CLEC16A: variants seen among roughly 807,000 people sequenced by gnomAD.
The protein encoded by CLEC16A is C-type lectin domain containing 16A.
A neutral mutation model predicts 109.5 loss-of-function variants in CLEC16A; 51 were observed. The observed-to-expected ratio is 0.47, with a 90% CI of 0.37 to 0.59. The LOEUF (loss-of-function observed/expected upper bound fraction) is 0.59. CLEC16A is among the 20% of genes least tolerant of loss of function. The pLI, the probability that CLEC16A is intolerant of heterozygous loss-of-function variation, is 0.00. For synonymous variants in CLEC16A, 673 were observed against 564.2 expected, an observed-to-expected ratio of 1.19 and a Z score of -2.73; for missense variants, 1,339 against 1,394.0, an observed-to-expected ratio of 0.96 and a Z score of 0.63.
intron 11 of CLEC16A, among the ~76,000 whole-genome samples, chr16:11,008,082 G>A (rs997837638): frequency 4.7e-4 from 71 of 152,120 alleles, no homozygotes; most frequent in African/African-American, 1.7e-3. Context: ...ACACACTCTC[G>A]GTCGTTGTCA....
chr16:11,123,984 C>T (rs1216914236), intron 21 of CLEC16A, 38 bp downstream of exon 21: 1 of 1,551,204 alleles, frequency 6.4e-7, no homozygotes, highest in Admixed American at 1.9e-5. Flanking sequence ...CCTCTGAGCA[C>T]TTGGTGGGTC....
intron 19 of CLEC16A, among the ~76,000 whole-genome samples, chr16:11,082,709 C>A (rs1421993452): frequency 6.6e-6 from 1 of 152,184 alleles, no homozygotes; most frequent in Non-Finnish European, 1.5e-5. Flanking sequence ...AGGAAAGGAA[C>A]GCTTTCTTCC....
intron 22 of CLEC16A, among the ~76,000 whole-genome samples, chr16:11,153,898 T>A (rs2153081833): frequency 6.6e-6 from 1 of 152,222 alleles, no homozygotes; most frequent in East Asian, 1.9e-4. Context: ...GAGAGCAACC[T>A]AGCCCATTTG....
Position 11,123,921 on chromosome 16 carries a change from G to T in CLEC16A, c.2448G>T (p.Arg816Ser). The change falls in exon 21 of 24, where the codon AGG becomes AGT. Residue 816 changes from arginine (R) to serine (S), a missense_variant. Arg to Ser is a moderately radical substitution (Grantham distance 110). Around this residue, in one of 3 missense-constraint regions of CLEC16A, gnomAD observed 1,061 missense variants for 1,006.8 expected, o/e 1.05. Transcript: ENST00000409790. Reference protein sequence around the residue: ...QRLAKGRIQARRMKMQRIAAL... With the variant: ...QRLAKGRIQASRMKMQRIAAL... The stretch of plus-strand genomic sequence containing the variant: ...TGGCCAAAGGCCGCATCCAGGCAAG[G>T]CGCATGAAGATGCAGAGAATAGCTG... 1 of 1,612,724 alleles carries T rather than the reference G, an allele frequency of 6.2e-7. No homozygotes were observed. The highest frequency in any genetic ancestry group is 8.5e-7 in the Non-Finnish European group (1 of 1,179,380).
At chr16:11,146,710 G>T (rs2054072902) in intron 22 of CLEC16A, among the ~76,000 whole-genome samples, 1 of 150,416 alleles carries the variant, frequency 6.6e-6, no homozygotes, top group Non-Finnish European at 1.5e-5. Context: ...GGTGGCTGCT[G>T]GGTGGATAGA....
intron 19 of CLEC16A, among the ~76,000 whole-genome samples, chr16:11,092,485 C>T (rs1477483957): frequency 3.3e-5 from 5 of 151,108 alleles, no homozygotes; most frequent in Non-Finnish European, 5.9e-5. Context: ...GGGAGGTTCC[C>T]GTGAGCCAAG....
At chr16:10,968,583 C>T (rs555449364) in intron 3 of CLEC16A, among the ~76,000 whole-genome samples, 5 of 152,208 alleles carry the variant, frequency 3.3e-5, no homozygotes, top group Admixed American at 6.5e-5. Context: ...TTAACATCTC[C>T]GAGATGTTTT....
At chr16:10,948,337 A>G (rs12931878) in intron 1 of CLEC16A, among the ~76,000 whole-genome samples, 22,046 of 152,236 alleles carry the variant, frequency 0.14, 1,992 homozygotes, top group South Asian at 0.22. Flanking sequence ...TTAGGGTTTT[A>G]CTTTTGCTAA....
At chr16:11,104,570 A>G (rs915222482) in intron 19 of CLEC16A, among the ~76,000 whole-genome samples, 3 of 152,164 alleles carry the variant, frequency 2.0e-5, no homozygotes, top group Admixed American at 2.0e-4. Flanking sequence ...TACAGAGGAA[A>G]TCCAAGGGAA....
At chr16:11,053,896 C>A (rs1313650580) in intron 18 of CLEC16A, among the ~76,000 whole-genome samples, 1 of 152,210 alleles carries the variant, frequency 6.6e-6, no homozygotes, top group African/African-American at 2.4e-5. Context: ...AAATCAGAGC[C>A]TTAGAGGTCA....
At chr16:11,112,433 G>C (rs572117066) in intron 19 of CLEC16A, among the ~76,000 whole-genome samples, 7 of 146,952 alleles carry the variant, frequency 4.8e-5, no homozygotes, top group Non-Finnish European at 1.0e-4. Context: ...GCCAAGGCAG[G>C]AGGACCACTT....
Position 11,051,527 on chromosome 16 carries a change from C to T in CLEC16A, c.1881C>T (p.Asn627=), listed in dbSNP as rs1338983435. The change falls in exon 18 of 24, where the codon AAC becomes AAT. Residue 627 remains asparagine (N), a synonymous_variant. Transcript: ENST00000409790. ...EYRSMTMKPM[N]VEYLMMDASI... ...GTCTCTTCTAGATGAAGCCCATGAA[C>T]GTGGAATATCTCATGATGGACGCCT... 8.7e-6 allele frequency: 14 copies of T among 1,613,718 alleles called. No individual in the cohort carries two copies. The highest frequency in any genetic ancestry group is 6.7e-5 in the Admixed American group (4 of 60,010).
At chr16:11,033,818 G>A (rs577565915) in intron 13 of CLEC16A, among the ~76,000 whole-genome samples, 14 of 152,326 alleles carry the variant, frequency 9.2e-5, no homozygotes, top group South Asian at 2.1e-4. Context: ...ACCGGTTGGC[G>A]GAAGGCGCTT....
At chr16:10,978,835 C>T (rs995236451) in intron 8 of CLEC16A, among the ~76,000 whole-genome samples, 4 of 152,176 alleles carry the variant, frequency 2.6e-5, no homozygotes, top group Admixed American at 6.5e-5. Flanking sequence ...CCCGTTTCTT[C>T]GGCTGCAAAA....
intron 18 of CLEC16A, among the ~76,000 whole-genome samples, chr16:11,060,264 GTC>G (rs1477409105): frequency 6.6e-6 from 1 of 152,158 alleles, no homozygotes; most frequent in Non-Finnish European, 1.5e-5. Context: ...TAGGTGCGAG[GTC>G]TCTGCCCCGT....
intron 3 of CLEC16A, among the ~76,000 whole-genome samples, chr16:10,964,507 A>G (rs1163783876): frequency 1.3e-5 from 2 of 152,220 alleles, no homozygotes; most frequent in East Asian, 1.9e-4. Context: ...TGGCTGCAGC[A>G]TAGAGTGGCT....
intron 23 of CLEC16A, among the ~76,000 whole-genome samples, chr16:11,172,058 GCA>G (rs1184339458): frequency 3.3e-5 from 5 of 149,960 alleles, no homozygotes; most frequent in African/African-American, 4.9e-5. Flanking sequence ...ACACATACAT[GCA>G]CACAGTCACA....
At chr16:11,077,850 G>A (rs2049469703) in intron 19 of CLEC16A, among the ~76,000 whole-genome samples, 1 of 152,044 alleles carries the variant, frequency 6.6e-6, no homozygotes, top group Admixed American at 6.5e-5. Context: ...TAGGCGCGGT[G>A]GCTCATGCCG....
intron 22 of CLEC16A, among the ~76,000 whole-genome samples, chr16:11,131,690 A>G (rs918437080): frequency 1.3e-5 from 2 of 152,174 alleles, no homozygotes; most frequent in Admixed American, 1.3e-4. Flanking sequence ...ACTCCGGGAC[A>G]GGGACTTCTC....
Sources: gnomAD v4.1 joint callset for allele counts (sites outside exome capture counted in the v4.1 genomes callset) on GRCh38, gnomAD v4.1.1 for gene constraint, gnomAD v4.1.1 regional missense constraint, MANE v1.5 for transcripts, NCBI Gene and HGNC (gene_info 2026-07-23, HGNC 2026-07-21) for gene names.